DZANK1: variants seen among roughly 807,000 people sequenced by gnomAD.
DZANK1 encodes the protein double zinc ribbon and ankyrin repeat domains 1.
Under a neutral mutation model 94.5 loss-of-function variants are expected in DZANK1, and 91 were observed. The ratio of observed to expected loss-of-function variants is 0.96; its 90% CI spans 0.81 to 1.15. The LOEUF is 1.15. Among genes scored for constraint, DZANK1 ranks in the 50% most tolerant of loss-of-function variants. The probability of loss-of-function intolerance (pLI) is 0.00; values close to 1 mark genes in which losing one functional copy is unlikely to be tolerated. For synonymous variants in DZANK1, 312 were observed against 325.3 expected (o/e 0.96, Z 0.44); for missense variants, 903 against 916.4 (o/e 0.99, Z 0.19).
chr20:18,462,909 G>A (rs1039792924), intron 2 of DZANK1, among the ~76,000 whole-genome samples: 5 of 139,252 alleles, frequency 3.6e-5, no homozygotes, highest in Non-Finnish European at 7.5e-5. Flanking sequence ...CTGCACTCCA[G>A]CCTGGGTGAC....
At chr20:18,453,999 G>A in intron 4 of DZANK1, 172 bp from the exon 5 acceptor site, 2 of 721,048 alleles carry the variant, frequency 2.8e-6, no homozygotes, top group Non-Finnish European at 5.1e-6. Context: ...CTTTGTATCT[G>A]GACTGGGCTG....
In DZANK1 at chr20:18,390,374, C is replaced by CT. The variant is rs750926971; in HGVS notation, c.1890+4dup. The CT allele has an allele frequency of 1.9e-5, 31 of 1,613,876 alleles. No homozygotes were observed. The Admixed American group carries it at 3.8e-4, about 20-fold the overall frequency. On this transcript the variant is annotated splice_donor_region_variant and intron_variant, in intron 18 of 20. Transcript: ENST00000262547. The stretch of plus-strand genomic sequence containing the variant: ...AGAGAGACTGGCTCCTTTGGCAACA[C>CT]TTACCTCATCCAGCAGCTGTTCAAT...
At chr20:18,401,330 CTG>C (rs1896239351) in intron 13 of DZANK1, among the ~76,000 whole-genome samples, 1 of 152,192 alleles carries the variant, frequency 6.6e-6, no homozygotes, top group East Asian at 1.9e-4. Context: ...CATTGTAAGA[CTG>C]TGAGTCCCCA....
intron 6 of DZANK1, chr20:18,451,832 C>A (rs2059112545): frequency 3.9e-6 from 2 of 516,094 alleles, no homozygotes; most frequent in Non-Finnish European, 7.7e-6. Flanking sequence ...CAACCTTGGT[C>A]CAAGTCACCA....
chr20:18,423,166 T>C (rs1001305368), intron 10 of DZANK1, among the ~76,000 whole-genome samples: 4 of 152,162 alleles, frequency 2.6e-5, no homozygotes, highest in African/African-American at 9.7e-5. Context: ...CTAGGAGCAA[T>C]AGGCTATACC....
chr20:18,455,224 T>C, intron 4 of DZANK1, 23 bp downstream of exon 4: 1 of 1,548,596 alleles, frequency 6.5e-7, no homozygotes, highest in Non-Finnish European at 8.8e-7. Context: ...ACAATCTGAA[T>C]GGATTATAGT....
At chr20:18,396,847 G>A (rs1390973729) in intron 14 of DZANK1, among the ~76,000 whole-genome samples, 1 of 152,200 alleles carries the variant, frequency 6.6e-6, no homozygotes, top group African/African-American at 2.4e-5. Flanking sequence ...CATTCTTCAA[G>A]AGATGCACTT....
In DZANK1 at chr20:18,460,403, A is replaced by C. The variant is rs572709298; in HGVS notation, c.110-97T>G. 1.5e-4 allele frequency: 134 copies of C among 914,410 alleles called. No individual in the cohort carries two copies. In the South Asian group the frequency reaches 3.0e-3, roughly 21 times the overall value. The allele number at this position is 914,410 out of a possible 1,614,324, so 56.6% of individuals were successfully genotyped here. A position where few individuals can be genotyped will look rare whatever the true frequency, so the allele number is the denominator to read the frequency against. On this transcript the variant is annotated intron_variant, in intron 2 of 20. Coordinates refer to ENST00000262547, the Ensembl canonical transcript of DZANK1. ...AGTTTAAGATCTAAGTGTGTGATTTAAGATTTAAAGTTGTGATTTAAGTTA... is the reference window on the plus strand; with the variant it reads ...AGTTTAAGATCTAAGTGTGTGATTTCAGATTTAAAGTTGTGATTTAAGTTA...
rs145929799 is a variant in DZANK1, at chr20:18,452,288, T to G, written c.543+327A>C. Among the ~76,000 whole-genome samples, 150 of 152,228 alleles carry G rather than the reference T, an allele frequency of 9.9e-4. 1 individual carries two copies. The East Asian group carries it at 0.025, about 26-fold the overall frequency. ...CTGAGAATGTGTGTTTCAAATAAGTTCCCACGTGATGCTGATGCTGCAGGT... is the reference window on the plus strand; with the variant it reads ...CTGAGAATGTGTGTTTCAAATAAGTGCCCACGTGATGCTGATGCTGCAGGT... On this transcript the variant is annotated intron_variant, in intron 6 of 20. Coordinates refer to ENST00000262547, the Ensembl canonical transcript of DZANK1.
chr20:18,456,476 A>C lies in DZANK1; in HGVS notation c.264-1115T>G, dbSNP rs75036189. Among the ~76,000 whole-genome samples, 5 of 152,332 alleles carry C rather than the reference A, an allele frequency of 3.3e-5. No homozygotes were observed. The East Asian group carries it at 9.6e-4, about 29-fold the overall frequency. On this transcript the variant is annotated intron_variant, in intron 3 of 20. Coordinates refer to ENST00000262547, the Ensembl canonical transcript of DZANK1. ...TTAAGTTTCTGGTTCAACGGAATTCAGTCAATGTAATGTACACAATTTTGT... is the reference window on the plus strand; with the variant it reads ...TTAAGTTTCTGGTTCAACGGAATTCCGTCAATGTAATGTACACAATTTTGT...
At chr20:18,456,730 G>A (rs1568550397) in intron 3 of DZANK1, among the ~76,000 whole-genome samples, 1 of 152,012 alleles carries the variant, frequency 6.6e-6, no homozygotes, top group East Asian at 1.9e-4. Flanking sequence ...ACTCATCTAT[G>A]TTGTTGTAAC....
intron 13 of DZANK1, among the ~76,000 whole-genome samples, chr20:18,407,681 C>T (rs987331759): frequency 3.3e-5 from 5 of 152,078 alleles, no homozygotes; most frequent in African/African-American, 1.2e-4. Context: ...CAAGATAACA[C>T]AGAAAAGGAA....
At chr20:18,450,901 C>G (rs989093468) in intron 6 of DZANK1, among the ~76,000 whole-genome samples, 2 of 152,146 alleles carry the variant, frequency 1.3e-5, no homozygotes, top group Non-Finnish European at 2.9e-5. Flanking sequence ...GAGCATCTTT[C>G]TTGTGTTATA....
chr20:18,440,741 A>G (rs978581536), intron 8 of DZANK1, among the ~76,000 whole-genome samples: 1 of 152,202 alleles, frequency 6.6e-6, no homozygotes, highest in Non-Finnish European at 1.5e-5. Flanking sequence ...ATCCTCAGAC[A>G]TAAGGGCAAA....
intron 16 of DZANK1, 81 bp downstream of exon 16, chr20:18,394,173 C>T: frequency 1.6e-6 from 2 of 1,222,634 alleles, no homozygotes; most frequent in Non-Finnish European, 2.3e-6. Context: ...CTGTCAAACT[C>T]TTAGCAGTTC....
intron 8 of DZANK1, among the ~76,000 whole-genome samples, chr20:18,434,376 C>T (rs1854880328): frequency 6.6e-6 from 1 of 151,684 alleles, no homozygotes; most frequent in Non-Finnish European, 1.5e-5. Context: ...GAAACCCCAG[C>T]TCTACTAAAA....
At chr20:18,447,742 G>A (rs2058932375) in intron 7 of DZANK1, among the ~76,000 whole-genome samples, 1 of 152,016 alleles carries the variant, frequency 6.6e-6, no homozygotes. Flanking sequence ...CTAGGGAAAC[G>A]CAAATAAAAA....
At chr20:18,436,056 C>T (rs2058509555) in intron 8 of DZANK1, among the ~76,000 whole-genome samples, 1 of 152,066 alleles carries the variant, frequency 6.6e-6, no homozygotes, top group South Asian at 2.1e-4. Flanking sequence ...GAAAAATAGT[C>T]AATAGTCCAC....
intron 19 of DZANK1, among the ~76,000 whole-genome samples, chr20:18,387,774 T>C (rs540577467): frequency 1.5e-4 from 23 of 152,282 alleles, no homozygotes; most frequent in African/African-American, 5.5e-4. Flanking sequence ...AACTAGGAAA[T>C]TAGGAAAGAG....
Sources: allele counts gnomAD v4.1 joint callset (sites outside exome capture counted in the v4.1 genomes callset), GRCh38; gene constraint gnomAD v4.1.1; transcripts MANE v1.5; gene names NCBI Gene and HGNC (gene_info 2026-07-23, HGNC 2026-07-21).